Variants in ADAMTS15 observed in about 807,000 individuals in gnomAD.
ADAMTS15 encodes the protein A disintegrin and metalloproteinase with thrombospondin motifs 15.
In ADAMTS15, 35 loss-of-function variants were observed where a neutral mutation model predicts 79.1. The ratio of observed to expected loss-of-function variants is 0.44; its 90% CI spans 0.34 to 0.59. ADAMTS15 has a LOEUF of 0.59. ADAMTS15 is among the 20% of genes least tolerant of loss of function. ADAMTS15 has a pLI of 0.02. For synonymous variants in ADAMTS15, 616 were observed against 567.3 expected, an observed-to-expected ratio of 1.09 and a Z score of -1.22; for missense variants, 1,324 against 1,318.7, an observed-to-expected ratio of 1.00 and a Z score of -0.06.
In ADAMTS15 at chr11:130,462,202, C is replaced by G. The variant is rs758981239; in HGVS notation, c.1206C>G (p.Pro402=). 1.2e-6 allele frequency: 2 copies of G among 1,614,226 alleles called. No homozygotes were observed. Among genetic ancestry groups the G allele is most frequent in the East Asian group, 2.2e-5 (1 of 44,880 alleles). ...PTLIQIDRAN[P]WSACSAAIIT... is the part of the protein sequence containing the mutation. ...TCATCCAGATCGACCGTGCCAACCC[C>G]TGGTCAGCCTGCAGTGCTGCCATCA... The change falls in exon 3 of 8, where the codon CCC becomes CCG. Residue 402 remains proline (P), a synonymous_variant. Coordinates refer to ENST00000299164, the MANE Select transcript of ADAMTS15 (RefSeq NM_139055.4). The surrounding 1 kb of genome is among the most constrained non-coding windows in gnomAD (Gnocchi z 4.3).
chr11:130,462,242 G>A lies in ADAMTS15; in HGVS notation c.1246G>A (p.Asp416Asn). The A allele has an allele frequency of 6.2e-7, 1 of 1,613,534 alleles. No homozygotes were observed. Among genetic ancestry groups the A allele is most frequent in the Non-Finnish European group, 8.5e-7 (1 of 1,179,600 alleles). ...TGCTGCCATCATCACCGACTTCCTGGACAGCGGGCACGGTAAGCCAGGACG... is the reference window on the plus strand; with the variant it reads ...TGCTGCCATCATCACCGACTTCCTGAACAGCGGGCACGGTAAGCCAGGACG... Reference protein sequence around the residue: ...CSAAIITDFLDSGHGDCLLDQ... With the variant: ...CSAAIITDFLNSGHGDCLLDQ... The change falls in exon 3 of 8, where the codon GAC becomes AAC. Residue 416 changes from aspartate to asparagine, a missense_variant. By Grantham distance (23) the Asp-to-Asn change is conservative. Coordinates refer to ENST00000299164, the MANE Select transcript of ADAMTS15 (RefSeq NM_139055.4). This position sits in a 1 kb window ranked among gnomAD's most constrained non-coding sequence, Gnocchi z 4.3.
intron 4 of ADAMTS15, among the ~76,000 whole-genome samples, chr11:130,465,637 A>G (rs571125922): frequency 6.6e-6 from 1 of 152,140 alleles, no homozygotes; most frequent in African/African-American, 2.4e-5. Context: ...TCTCCAAAAC[A>G]ACTCTTATTA....
chr11:130,456,260 T>G (rs1043400731), intron 1 of ADAMTS15, among the ~76,000 whole-genome samples: 1 of 152,072 alleles, frequency 6.6e-6, no homozygotes, highest in Non-Finnish European at 1.5e-5. Context: ...GTAGGCGCCC[T>G]CTCTCTTGAA....
intron 1 of ADAMTS15, among the ~76,000 whole-genome samples, chr11:130,455,177 G>A (rs944538458): frequency 6.6e-6 from 1 of 152,192 alleles, no homozygotes; most frequent in Non-Finnish European, 1.5e-5. Flanking sequence ...GCACAGATAA[G>A]TGTTACTGAG....
chr11:130,476,562 C>G lies in ADAMTS15; in HGVS notation c.*2741C>G, dbSNP rs926064606. ...TGGAAGGACCTGGGTGCTGGCTGGG[C>G]TGTGTATACTGTGTATACAAGGGAG... is the stretch of plus-strand genomic sequence containing the variant. On this transcript the variant is annotated 3_prime_UTR_variant, in exon 8 of 8. Transcript: ENST00000299164. 2 of 152,240 alleles carry G rather than the reference C, an allele frequency of 1.3e-5. No individual in the cohort carries two copies. Among genetic ancestry groups the G allele is most frequent in the African/African-American group, 2.4e-5 (1 of 41,428 alleles). The allele number at this position is 152,240 out of a possible 1,614,324, so 9.4% of individuals were successfully genotyped here.
At chr11:130,466,668 C>T (rs1938306886) in intron 4 of ADAMTS15, among the ~76,000 whole-genome samples, 1 of 152,220 alleles carries the variant, frequency 6.6e-6, no homozygotes. Context: ...GATCTTACTC[C>T]TTACAGATGA....
chr11:130,462,420 C>G lies in ADAMTS15; in HGVS notation c.1259-77C>G. On this transcript the variant is annotated intron_variant, in intron 3 of 7. Transcript: ENST00000299164. The surrounding 1 kb of genome is among the most constrained non-coding windows in gnomAD (Gnocchi z 4.3). The stretch of plus-strand genomic sequence containing the variant: ...TCCTGTTGCCCTTGGTTCATTATCC[C>G]CTTACCATTCAGATTCTGGGCTAGC... 1 of 1,527,002 alleles carries G rather than the reference C, an allele frequency of 6.5e-7. No individual in the cohort carries two copies. The highest frequency in any genetic ancestry group is 8.8e-7 in the Non-Finnish European group (1 of 1,132,858). 94.6% of individuals were successfully genotyped at this position (1,527,002 alleles called of 1,614,324 possible).
At chr11:130,469,491 G>C (rs1180897754) in intron 5 of ADAMTS15, 52 bp downstream of exon 5, 1 of 1,274,276 alleles carries the variant, frequency 7.8e-7, no homozygotes, top group African/African-American at 1.5e-5. Flanking sequence ...TGAGGCTGGA[G>C]GTCCCCCCAC....
intron 5 of ADAMTS15, among the ~76,000 whole-genome samples, chr11:130,470,162 A>ATATATATGTATG: frequency 1.8e-5 from 1 of 56,580 alleles, no homozygotes; most frequent in East Asian, 3.6e-4. Flanking sequence ...GTGTATATAT[A>ATATATATGTATG]TATATATATA....
intron 1 of ADAMTS15, chr11:130,450,310 C>T: frequency 1.0e-6 from 1 of 985,456 alleles, no homozygotes; most frequent in Non-Finnish European, 1.2e-6. Context: ...AACGGCCCAC[C>T]CCTATTGTAT....
chr11:130,458,382 C>T (rs1938131841), intron 1 of ADAMTS15, among the ~76,000 whole-genome samples: 2 of 152,160 alleles, frequency 1.3e-5, no homozygotes, highest in South Asian at 4.1e-4. Flanking sequence ...TTCTGAAGAG[C>T]GGGGCCGGGG....
At position 130,473,967 on chromosome 11, in the gene ADAMTS15, G is replaced by A. The variant is rs562734438; in HGVS notation, c.*146G>A. 2.6e-4 allele frequency: 304 copies of A among 1,174,912 alleles called. 7 individuals are homozygous for A. The South Asian group carries it at 4.4e-3, about 17-fold the overall frequency. The allele number at this position is 1,174,912 out of a possible 1,614,324, so 72.8% of individuals were successfully genotyped here. The stretch of plus-strand genomic sequence containing the variant: ...GGGGACAAGGACCATGGGCTGGGGC[G>A]AGAGGTTCCCTCCTCCTCCCTGGAC... On this transcript the variant is annotated 3_prime_UTR_variant, in exon 8 of 8. Coordinates refer to ENST00000299164, the MANE Select transcript of ADAMTS15 (RefSeq NM_139055.4).
At position 130,464,784 on chromosome 11, in the gene ADAMTS15, T is replaced by A. The variant is rs186727904; in HGVS notation, c.1542+2004T>A. ...GAGTTTGAGACCAGCCTGGGCAACA[T>A]GGCAAAACCCCATGTCTGCAAAAAA... On this transcript the variant is annotated intron_variant, in intron 4 of 7. Coordinates refer to ENST00000299164, the MANE Select transcript of ADAMTS15 (RefSeq NM_139055.4). Among the ~76,000 whole-genome samples the A allele has an allele frequency of 1.8e-4, 28 of 152,076 alleles. No homozygotes were observed. In the East Asian group the frequency reaches 4.5e-3, roughly 24 times the overall value.
At chr11:130,464,828 G>A (rs1324854697) in intron 4 of ADAMTS15, among the ~76,000 whole-genome samples, 1 of 152,082 alleles carries the variant, frequency 6.6e-6, no homozygotes, top group Non-Finnish European at 1.5e-5. Context: ...TTAGTGGGAT[G>A]TGGTGGCAGA....
chr11:130,454,031 TG>T (rs1327278130), intron 1 of ADAMTS15, among the ~76,000 whole-genome samples: 17 of 152,232 alleles, frequency 1.1e-4, no homozygotes, highest in African/African-American at 4.1e-4. Flanking sequence ...TTGCCCAGGC[TG>T]GTCTCAAACT....
chr11:130,466,659 A>G (rs1018678799), intron 4 of ADAMTS15, among the ~76,000 whole-genome samples: 2 of 151,928 alleles, frequency 1.3e-5, no homozygotes, highest in African/African-American at 4.8e-5. Flanking sequence ...CCTGCTTCTG[A>G]TCTTACTCCT....
chr11:130,449,728 T>C lies in ADAMTS15; in HGVS notation c.755T>C (p.Leu252Pro). The C allele has an allele frequency of 6.2e-7, 1 of 1,612,390 alleles. No individual in the cohort carries two copies. The highest frequency in any genetic ancestry group is 8.5e-7 in the Non-Finnish European group (1 of 1,179,686). Reference sequence around the variant, plus strand: ...ACGCTGCTGGCAACGGCGGCGCGACTCTACCGCCATCCCAGCATCCTCAAC... The same window carrying C: ...ACGCTGCTGGCAACGGCGGCGCGACCCTACCGCCATCCCAGCATCCTCAAC... The part of the protein sequence containing the change: ...LLTLLATAAR[L>P]YRHPSILNPI... The change falls in exon 1 of 8, where the codon CTC (leucine) becomes CCC (proline). Residue 252 changes from leucine to proline, a missense_variant. Transcript: ENST00000299164. The surrounding 1 kb of genome is among the most constrained non-coding windows in gnomAD (Gnocchi z 7.8).
rs998788972 is a variant in ADAMTS15, at chr11:130,462,389, G to A, written c.1259-108G>A. ...CCCTCGGAGCCGGGCTCTGACATGA[G>A]TGCATTCCTGTTGCCCTTGGTTCAT... On this transcript the variant is annotated intron_variant, in intron 3 of 7. Transcript: ENST00000299164. The surrounding 1 kb of genome is among the most constrained non-coding windows in gnomAD (Gnocchi z 4.3). 2.7e-6 allele frequency: 4 copies of A among 1,493,922 alleles called. No individual in the cohort carries two copies. The highest frequency in any genetic ancestry group is 1.4e-5 in the African/African-American group (1 of 72,062). The allele number at this position is 1,493,922 out of a possible 1,614,324, so 92.5% of individuals were successfully genotyped here. A position where few individuals can be genotyped will look rare whatever the true frequency, so the allele number is the denominator to read the frequency against.
chr11:130,467,763 A>G lies in ADAMTS15; in HGVS notation c.1543-1499A>G, dbSNP rs543168986. 4.7e-5 allele frequency among the ~76,000 whole-genome samples: 7 copies of G among 148,684 alleles called. No individual in the cohort carries two copies. In the East Asian group the frequency reaches 1.4e-3, roughly 29 times the overall value. On this transcript the variant is annotated intron_variant, in intron 4 of 7. Transcript: ENST00000299164. ...TTTATTCTCTTTCTACCCTGTTTAA[A>G]AAAACTAAAAAAAAAACCTAAAAAA... is the stretch of plus-strand genomic sequence containing the variant.
Sources: gnomAD v4.1 joint callset for allele counts (sites outside exome capture counted in the v4.1 genomes callset) on GRCh38, gnomAD v4.1.1 for gene constraint, Gnocchi (gnomAD v3.1) non-coding constraint, MANE v1.5 for transcripts, NCBI Gene and HGNC (gene_info 2026-07-23, HGNC 2026-07-21) for gene names.